KPNA7: variants seen among roughly 807,000 people sequenced by gnomAD.
The protein encoded by KPNA7 is karyopherin subunit alpha 7, also known as importin subunit alpha-8.
KPNA7 carries 54 observed loss-of-function variants against 53.7 expected under a neutral mutation model. The observed-to-expected ratio is 1.01, with a 90% confidence interval of 0.81 to 1.26. The LOEUF is 1.26. Ranked by LOEUF, KPNA7 falls within the 50% of genes most tolerant of loss-of-function variation. The pLI is 0.00. For synonymous variants in KPNA7, 276 were observed against 259.3 expected, an observed-to-expected ratio of 1.06 and a Z score of -0.62; for missense variants, 640 against 644.5, an observed-to-expected ratio of 0.99 and a Z score of 0.07.
chr7:99,178,440 G>A (rs896975488), intron 9 of KPNA7, among the ~76,000 whole-genome samples: 5 of 151,914 alleles, frequency 3.3e-5, no homozygotes, highest in African/African-American at 1.2e-4. Context: ...GTGGTGGCAG[G>A]TGCCTGTAAT....
chr7:99,175,344 A>G (rs546022510), intron 10 of KPNA7, among the ~76,000 whole-genome samples: 1 of 151,700 alleles, frequency 6.6e-6, no homozygotes, highest in South Asian at 2.1e-4. Flanking sequence ...CACCTGGCTA[A>G]TTTTTGTATT....
intron 2 of KPNA7, 36 bp from the exon 3 acceptor site, chr7:99,203,276 G>C (rs1409302571): frequency 6.5e-7 from 1 of 1,541,218 alleles, no homozygotes; most frequent in South Asian, 1.2e-5. Flanking sequence ...TTTAGAACCA[G>C]GAGTGGGGAT....
chr7:99,185,302 T>A (rs1789523851), intron 7 of KPNA7, 140 bp from the exon 8 acceptor site: 1 of 650,960 alleles, frequency 1.5e-6, no homozygotes, highest in Non-Finnish European at 2.7e-6. Context: ...AGGAATTGTA[T>A]CTGTGATCAT....
At chr7:99,180,670 TGTG>T (rs1799150391) in intron 9 of KPNA7, among the ~76,000 whole-genome samples, 1 of 38,720 alleles carries the variant, frequency 2.6e-5, no homozygotes, top group Non-Finnish European at 1.1e-4. Flanking sequence ...CCCATCTGTG[TGTG>T]TGTCTCTCTC....
At chr7:99,148,894 CG>C in the KPNA7 span, among the ~76,000 whole-genome samples, 1 of 105,896 alleles carries the variant, frequency 9.4e-6, no homozygotes, top group East Asian at 3.0e-4. Context: ...GCCCAAGAAC[CG>C]TTTTTTTTTT....
intron 1 of KPNA7, among the ~76,000 whole-genome samples, chr7:99,213,286 C>G (rs1584325655): frequency 6.6e-6 from 1 of 151,666 alleles, no homozygotes; most frequent in East Asian, 1.9e-4. Flanking sequence ...ACCACCACAC[C>G]CCCCAGCTAA....
Position 99,188,554 on chromosome 7 carries a change from G to GA in KPNA7, c.645dup (p.Leu216SerfsTer41). 1 of 1,551,344 alleles carries GA rather than the reference G, an allele frequency of 6.4e-7. No individual in the cohort carries two copies. The highest frequency in any genetic ancestry group is 8.7e-7 in the Non-Finnish European group (1 of 1,146,662). ...GACAAGGTCCACGTGATGTTCCGCA[G>GA]AAATGTGATCTGTAACAAGGAGACT... On this transcript the variant is annotated frameshift_variant, in exon 7 of 11. Coordinates refer to ENST00000327442, the MANE Select transcript of KPNA7 (RefSeq NM_001145715.3). LOFTEE classifies it high-confidence loss of function.
chr7:99,192,935 C>A (rs1258273875), intron 6 of KPNA7, 84 bp downstream of exon 6: 3 of 943,318 alleles, frequency 3.2e-6, no homozygotes, highest in Admixed American at 5.8e-5. Context: ...CCAGCCTGGG[C>A]AGAATGGTGA....
At chr7:99,209,063 G>T (rs1563091405), upstream of KPNA7, among the ~76,000 whole-genome samples, 1 of 152,066 alleles carries the variant, frequency 6.6e-6, no homozygotes, top group East Asian at 1.9e-4. Flanking sequence ...GAAGCAGGAG[G>T]ATCACTTGAA....
At chr7:99,158,066 T>C in the KPNA7 span, among the ~76,000 whole-genome samples, 1 of 151,764 alleles carries the variant, frequency 6.6e-6, no homozygotes, top group Admixed American at 6.6e-5. Context: ...TTTTTACTTT[T>C]ATAGAGATGA....
intron 1 of KPNA7, among the ~76,000 whole-genome samples, chr7:99,216,715 C>T (rs949912486): frequency 6.6e-6 from 1 of 152,244 alleles, no homozygotes; most frequent in Admixed American, 6.5e-5. Context: ...GCATGCGCCA[C>T]CATGCCTAGC....
At chr7:99,162,225 G>A in the KPNA7 span, among the ~76,000 whole-genome samples, 17 of 151,764 alleles carry the variant, frequency 1.1e-4, no homozygotes, top group South Asian at 1.7e-3. Context: ...TGTATTTTTA[G>A]CAGAGACAGG....
At chr7:99,201,960 G>C (rs768752345) in intron 3 of KPNA7, among the ~76,000 whole-genome samples, 1 of 151,914 alleles carries the variant, frequency 6.6e-6, no homozygotes, top group Admixed American at 6.6e-5. Flanking sequence ...CACCCACCTC[G>C]GCCTCCCAAA....
the KPNA7 span, among the ~76,000 whole-genome samples, chr7:99,163,383 A>ATATATATATATAATT: frequency 2.5e-5 from 1 of 40,804 alleles, no homozygotes; most frequent in Non-Finnish European, 4.2e-5. Context: ...ATATATATAT[A>ATATATATATATAATT]TTTTTTTTTT....
At chr7:99,171,298 A>G (rs567285117), downstream of KPNA7, among the ~76,000 whole-genome samples, 4 of 152,214 alleles carry the variant, frequency 2.6e-5, no homozygotes, top group Non-Finnish European at 4.4e-5. Flanking sequence ...ACCTTCTCTC[A>G]GAAGATACAT....
chr7:99,178,674 T>C (rs1799016903), intron 9 of KPNA7, among the ~76,000 whole-genome samples: 2 of 146,718 alleles, frequency 1.4e-5, no homozygotes, highest in African/African-American at 5.1e-5. Flanking sequence ...CAGATTAGTC[T>C]CCAACTCCTG....
the KPNA7 span, among the ~76,000 whole-genome samples, chr7:99,168,241 G>C: frequency 6.6e-6 from 1 of 152,176 alleles, no homozygotes; most frequent in Non-Finnish European, 1.5e-5. Context: ...CTGGGAAGCT[G>C]GTTAAACACA....
chr7:99,153,640 T>C, the KPNA7 span, among the ~76,000 whole-genome samples: 1 of 151,626 alleles, frequency 6.6e-6, no homozygotes, highest in Admixed American at 6.6e-5. Flanking sequence ...ATTTACTGAA[T>C]GGAATGCATA....
chr7:99,209,711 G>GA (rs796194540), upstream of KPNA7, among the ~76,000 whole-genome samples: 1 of 87,834 alleles, frequency 1.1e-5, no homozygotes, highest in African/African-American at 4.7e-5. Flanking sequence ...AAAAAAAAAA[G>GA]AAAAAAATCT....
Sources: gnomAD v4.1 joint callset for allele counts (sites outside exome capture counted in the v4.1 genomes callset) on GRCh38, gnomAD v4.1.1 for gene constraint, MANE v1.5 for transcripts, NCBI Gene and HGNC (gene_info 2026-07-23, HGNC 2026-07-21) for gene names.